CDH4: variants seen among roughly 807,000 people sequenced by gnomAD.
CDH4 encodes the protein cadherin 4, also known as cadherin-4.
In CDH4, 33 loss-of-function variants were observed where a neutral mutation model predicts 86.0. The ratio of observed to expected loss-of-function variants is 0.38; its 90% CI spans 0.29 to 0.51. The LOEUF is 0.51. Ranked by LOEUF, CDH4 falls within the 20% of genes least tolerant of loss-of-function variation. The probability of loss-of-function intolerance (pLI) is 0.86; values close to 1 mark genes in which losing one functional copy is unlikely to be tolerated. For missense variants in CDH4, 1,114 were observed against 1,307.4 expected, an observed-to-expected ratio of 0.85 and a Z score of 2.28; for synonymous variants, 555 against 549.4, an observed-to-expected ratio of 1.01 and a Z score of -0.14.
At chr20:61,650,958 T>A (rs1049838437) in intron 2 of CDH4, among the ~76,000 whole-genome samples, 3 of 152,278 alleles carry the variant, frequency 2.0e-5, no homozygotes, top group Non-Finnish European at 4.4e-5. Context: ...ATCGAACCTT[T>A]ACTGAAGGTG....
At chr20:61,692,293 C>CTG (rs536903165) in intron 2 of CDH4, among the ~76,000 whole-genome samples, 7 of 149,302 alleles carry the variant, frequency 4.7e-5, no homozygotes, top group East Asian at 2.0e-4. Flanking sequence ...GTGTGTGTGT[C>CTG]TGTGTGTGTG....
chr20:61,885,390 G>A (rs891481424), intron 7 of CDH4, among the ~76,000 whole-genome samples: 4 of 152,134 alleles, frequency 2.6e-5, no homozygotes, highest in Admixed American at 2.0e-4. Flanking sequence ...TCCTGTAAGT[G>A]GGCTCCTTCC....
chr20:61,812,335 G>T (rs1980483557), intron 4 of CDH4, among the ~76,000 whole-genome samples: 1 of 152,148 alleles, frequency 6.6e-6, no homozygotes. Context: ...GCCGTCACTG[G>T]CCCTGGGCTG....
chr20:61,348,588 T>C (rs565592345), intron 2 of CDH4, among the ~76,000 whole-genome samples: 4 of 152,338 alleles, frequency 2.6e-5, no homozygotes, highest in African/African-American at 9.6e-5. Flanking sequence ...CTCTTTAATT[T>C]TCTTTCACTT....
At chr20:61,537,185 C>G (rs903574642) in intron 2 of CDH4, among the ~76,000 whole-genome samples, 1 of 152,224 alleles carries the variant, frequency 6.6e-6, no homozygotes, top group Admixed American at 6.5e-5. Context: ...CCTGAGCTAT[C>G]TGCTGCTGCC....
At chr20:61,689,928 A>C (rs2087634038) in intron 2 of CDH4, among the ~76,000 whole-genome samples, 1 of 138,426 alleles carries the variant, frequency 7.2e-6, no homozygotes, top group South Asian at 2.4e-4. Flanking sequence ...GTGGTTGGTG[A>C]GGTGATGTGG....
intron 2 of CDH4, among the ~76,000 whole-genome samples, chr20:61,394,957 TC>T (rs2085008796): frequency 7.0e-6 from 1 of 142,920 alleles, no homozygotes; most frequent in African/African-American, 2.6e-5. Flanking sequence ...GGAAAAGCGC[TC>T]CCTGAGCTGG....
chr20:61,427,546 A>G (rs1179684779), intron 2 of CDH4, among the ~76,000 whole-genome samples: 1 of 151,238 alleles, frequency 6.6e-6, no homozygotes, highest in Non-Finnish European at 1.5e-5. Context: ...CCTATCTAGC[A>G]TCATCTTTCA....
intron 2 of CDH4, among the ~76,000 whole-genome samples, chr20:61,422,153 A>G (rs1337581672): frequency 6.6e-6 from 1 of 152,166 alleles, no homozygotes; most frequent in East Asian, 1.9e-4. Context: ...CTCACTGGGC[A>G]CGGTGGCTCA....
chr20:61,697,430 T>C (rs1190827922), intron 2 of CDH4, among the ~76,000 whole-genome samples: 1 of 152,114 alleles, frequency 6.6e-6, no homozygotes, highest in Non-Finnish European at 1.5e-5. Flanking sequence ...AAACCCCGTC[T>C]CTACTAAGAA....
intron 15 of CDH4, among the ~76,000 whole-genome samples, chr20:61,935,494 A>C (rs1354372281): frequency 1.3e-5 from 2 of 152,028 alleles, no homozygotes; most frequent in African/African-American, 4.8e-5. Context: ...GCGGTGGCTC[A>C]GGCCTGTCAT....
intron 2 of CDH4, among the ~76,000 whole-genome samples, chr20:61,365,595 G>T (rs143527544): frequency 6.6e-6 from 1 of 152,260 alleles, no homozygotes; most frequent in Non-Finnish European, 1.5e-5. Context: ...GGTCGAGAAT[G>T]ACTGTGAGCC....
At chr20:61,271,476 G>A (rs6129088) in intron 2 of CDH4, among the ~76,000 whole-genome samples, 79,759 of 152,008 alleles carry the variant, frequency 0.52, 21,890 homozygotes, top group East Asian at 0.71. Context: ...AGAGGACAGC[G>A]GGCTGTCTTT....
At chr20:61,923,103 A>AG (rs1361278224) in intron 9 of CDH4, among the ~76,000 whole-genome samples, 3 of 152,198 alleles carry the variant, frequency 2.0e-5, no homozygotes, top group Non-Finnish European at 4.4e-5. Flanking sequence ...CTAGGCTCAA[A>AG]GGAGGAAGGT....
chr20:61,936,660 C>A, intron 15 of CDH4, 77 bp from the exon 16 acceptor site: 1 of 1,235,416 alleles, frequency 8.1e-7, no homozygotes, highest in Non-Finnish European at 1.1e-6. Flanking sequence ...TTCTTCTGGG[C>A]CTCGCTTTCC....
rs996866898 is a variant in CDH4 at position 61,486,514 on chromosome 20, A to G, written c.169+231577A>G. 3.3e-5 allele frequency among the ~76,000 whole-genome samples: 5 copies of G among 152,254 alleles called. No homozygotes were observed. The East Asian group carries it at 9.6e-4, about 29-fold the overall frequency. ...TGGCTCAGCAAAGCCAGTGTCCGGC[A>G]TGTGCTGGCCTTAGGATTTTAACCA... On this transcript the variant is annotated intron_variant, in intron 2 of 15. Coordinates refer to ENST00000614565, the MANE Select transcript of CDH4 (RefSeq NM_001794.5).
chr20:61,831,040 G>T (rs189725551), intron 4 of CDH4, among the ~76,000 whole-genome samples: 3 of 152,112 alleles, frequency 2.0e-5, no homozygotes, highest in African/African-American at 7.2e-5. Flanking sequence ...CCGGGGTCTC[G>T]CCCCTCCTGG....
At chr20:61,554,433 C>G (rs1245727061) in intron 2 of CDH4, among the ~76,000 whole-genome samples, 1 of 152,216 alleles carries the variant, frequency 6.6e-6, no homozygotes, top group Admixed American at 6.5e-5. Flanking sequence ...CCCAAGAGTC[C>G]AAGCCCTATT....
At chr20:61,534,648 C>CTTTCTTTTTTTT (rs1568881693) in intron 2 of CDH4, among the ~76,000 whole-genome samples, 9 of 108,378 alleles carry the variant, frequency 8.3e-5, no homozygotes, top group African/African-American at 2.6e-4. Context: ...TTCTTTCTTT[C>CTTTCTTTTTTTT]TTTTCTTTCT....
Sources: allele counts gnomAD v4.1 joint callset (sites outside exome capture counted in the v4.1 genomes callset), GRCh38; gene constraint gnomAD v4.1.1; transcripts MANE v1.5; gene names NCBI Gene and HGNC (gene_info 2026-07-23, HGNC 2026-07-21).